NDUFAF7: variants seen among roughly 807,000 people sequenced by gnomAD.
The protein encoded by NDUFAF7 is NADH:ubiquinone oxidoreductase complex assembly factor 7, also known as protein arginine methyltransferase NDUFAF7, mitochondrial.
NDUFAF7 carries 48 observed loss-of-function variants against 47.2 expected under a neutral mutation model. That is an observed-to-expected ratio of 1.02 (90% CI 0.81 to 1.29). The LOEUF (loss-of-function observed/expected upper bound fraction) is 1.29, where lower values mean the gene tolerates loss of function less well. Among genes scored for constraint, NDUFAF7 ranks in the 50% most tolerant of loss-of-function variants. The pLI, the probability that NDUFAF7 is intolerant of heterozygous loss-of-function variation, is 0.00. For synonymous variants in NDUFAF7, 217 were observed against 190.0 expected (o/e 1.14, Z -1.17); for missense variants, 635 against 537.6 (o/e 1.18, Z -1.79).
chr2:37,260,103 T>G, the NDUFAF7 span: 2 of 844,108 alleles, frequency 2.4e-6, no homozygotes, highest in African/African-American at 3.4e-5. Flanking sequence ...AGGCAGAGGT[T>G]GCAGTGAGCC....
At chr2:37,259,396 A>C in the NDUFAF7 span, among the ~76,000 whole-genome samples, 1 of 152,338 alleles carries the variant, frequency 6.6e-6, no homozygotes, top group African/African-American at 2.4e-5. Flanking sequence ...CTTGAATATA[A>C]ACAGTATAAC....
chr2:37,256,964 T>G (rs754611197), downstream of NDUFAF7: 1 of 1,608,746 alleles, frequency 6.2e-7, no homozygotes, highest in South Asian at 1.1e-5. Flanking sequence ...TTTTGTATTA[T>G]AGTGTTATAT....
In NDUFAF7 at chr2:37,236,204, A is replaced by G. The variant is rs968336311; in HGVS notation, c.297+28A>G. 3.3e-6 allele frequency: 5 copies of G among 1,507,692 alleles called. No homozygotes were observed. The African/African-American group carries it at 6.9e-5, about 21-fold the overall frequency. 93.4% of individuals were successfully genotyped at this position (1,507,692 alleles called of 1,614,324 possible). On this transcript the variant is annotated intron_variant, in intron 3 of 9. Transcript: ENST00000002125. ...AATATACTATGTAAAGTATGAATGA[A>G]GCTAATATAAACATTTGAGAGCAGA...
chr2:37,249,470 A>G (rs1014839996), downstream of NDUFAF7, among the ~76,000 whole-genome samples: 17 of 151,726 alleles, frequency 1.1e-4, no homozygotes, highest in Non-Finnish European at 1.5e-4. Flanking sequence ...CTAGCTACTC[A>G]CGAGGCTGAG....
At chr2:37,257,079 A>T, downstream of NDUFAF7, 1 of 941,930 alleles carries the variant, frequency 1.1e-6, no homozygotes, top group Non-Finnish European at 1.6e-6. Context: ...ATTGTAAAAT[A>T]TCCTTTTCTC....
chr2:37,261,449 T>C, the NDUFAF7 span, among the ~76,000 whole-genome samples: 1 of 147,946 alleles, frequency 6.8e-6, no homozygotes, highest in Admixed American at 6.8e-5. Flanking sequence ...ATCATGCCAT[T>C]GCACTCCAGC....
At chr2:37,248,054 T>G (rs1667110068) in intron 9 of NDUFAF7, 81 bp from the exon 10 acceptor site, 7 of 1,122,262 alleles carry the variant, frequency 6.2e-6, no homozygotes, top group South Asian at 2.7e-5. Context: ...TATTGGAATA[T>G]TTGAGAGTCA....
downstream of NDUFAF7, chr2:37,254,071 G>A: frequency 1.5e-6 from 1 of 660,812 alleles, no homozygotes; most frequent in Non-Finnish European, 2.7e-6. Flanking sequence ...CAGAGATTCA[G>A]CCATAGTACA....
chr2:37,252,739 C>T (rs751222064), downstream of NDUFAF7: 2 of 151,456 alleles, frequency 1.3e-5, no homozygotes, highest in South Asian at 2.1e-4. Context: ...ACAAGCCTGT[C>T]GAGTAATCAA....
the NDUFAF7 span, among the ~76,000 whole-genome samples, chr2:37,266,742 C>T: frequency 1.3e-5 from 2 of 152,170 alleles, no homozygotes; most frequent in African/African-American, 2.4e-5. Context: ...CCCGCCTTGG[C>T]CTCCCAAAGT....
At chr2:37,242,014 A>G (rs1394329913) in intron 5 of NDUFAF7, 3 of 578,590 alleles carry the variant, frequency 5.2e-6, no homozygotes, top group Middle Eastern at 4.5e-4. Context: ...GTAAAATCCC[A>G]AACAAAATGT....
At chr2:37,270,978 C>A in the NDUFAF7 span, among the ~76,000 whole-genome samples, 11 of 152,140 alleles carry the variant, frequency 7.2e-5, no homozygotes, top group Admixed American at 3.3e-4. Context: ...TGATATTCCT[C>A]CTTATCTCCC....
chr2:37,253,990 G>A (rs1667733768), downstream of NDUFAF7, among the ~76,000 whole-genome samples: 1 of 152,132 alleles, frequency 6.6e-6, no homozygotes, highest in Non-Finnish European at 1.5e-5. Context: ...TCTATGAAAG[G>A]CTAAGTCATT....
chr2:37,260,298 T>C, the NDUFAF7 span: 1 of 1,608,924 alleles, frequency 6.2e-7, no homozygotes, highest in South Asian at 1.1e-5. Flanking sequence ...CCAACATATC[T>C]CCATGCAGCT....
chr2:37,261,637 G>T, the NDUFAF7 span, among the ~76,000 whole-genome samples: 1 of 148,988 alleles, frequency 6.7e-6, no homozygotes, highest in African/African-American at 2.5e-5. Context: ...AAAATTAGCC[G>T]GGTGTGGTGG....
intron 1 of NDUFAF7, 28 bp downstream of exon 1, chr2:37,231,788 T>C (rs1665158837): frequency 8.1e-6 from 13 of 1,613,916 alleles, no homozygotes; most frequent in African/African-American, 1.3e-5. Flanking sequence ...CGAAGCCCGG[T>C]TGCCGTGGAA....
At chr2:37,250,900 C>T (rs919607835), downstream of NDUFAF7, 6 of 152,614 alleles carry the variant, frequency 3.9e-5, no homozygotes, top group Non-Finnish European at 7.3e-5. Flanking sequence ...TATACAGTAT[C>T]TGGAATAATC....
At chr2:37,238,615 G>T (rs1472715122) in intron 4 of NDUFAF7, among the ~76,000 whole-genome samples, 2 of 151,606 alleles carry the variant, frequency 1.3e-5, no homozygotes, top group East Asian at 3.9e-4. Flanking sequence ...AAAGCAGAAG[G>T]CATAAAGCAA....
chr2:37,233,807 C>T (rs1357885161), intron 2 of NDUFAF7, among the ~76,000 whole-genome samples: 1 of 152,022 alleles, frequency 6.6e-6, no homozygotes, highest in African/African-American at 2.4e-5. Flanking sequence ...AGGCTCTTAA[C>T]CTAGGGACCC....
Sources: allele counts gnomAD v4.1 joint callset (sites outside exome capture counted in the v4.1 genomes callset), GRCh38; gene constraint gnomAD v4.1.1; transcripts MANE v1.5; gene names NCBI Gene and HGNC (gene_info 2026-07-23, HGNC 2026-07-21).